COG3: variants seen among roughly 807,000 people sequenced by gnomAD.
COG3 encodes conserved oligomeric Golgi complex subunit 3.
COG3 carries 32 observed loss-of-function variants against 114.1 expected under a neutral mutation model. That is an observed-to-expected ratio of 0.28 (90% confidence interval 0.21 to 0.38). The LOEUF (loss-of-function observed/expected upper bound fraction) is 0.38, where lower values mean the gene tolerates loss of function less well. Among genes scored for constraint, COG3 ranks in the 10% least tolerant of loss-of-function variants. COG3 has a pLI of 1.00. For synonymous variants in COG3, 352 were observed against 365.7 expected, an observed-to-expected ratio of 0.96 and a Z score of 0.43; for missense variants, 813 against 973.2, an observed-to-expected ratio of 0.84 and a Z score of 2.19.
At chr13:45,508,285 A>G (rs1472545297) in intron 14 of COG3, among the ~76,000 whole-genome samples, 1 of 149,750 alleles carries the variant, frequency 6.7e-6, no homozygotes, top group East Asian at 1.9e-4. Context: ...ATTATTGAAA[A>G]CATTCCAAAT....
intron 19 of COG3, among the ~76,000 whole-genome samples, chr13:45,519,828 TTCTC>T (rs1272674878): frequency 1.3e-5 from 2 of 152,226 alleles, no homozygotes; most frequent in Non-Finnish European, 1.5e-5. Flanking sequence ...GGATAGTATA[TTCTC>T]TCTGTCTCTC....
chr13:45,523,491 G>A (rs1455382144), intron 19 of COG3, among the ~76,000 whole-genome samples: 1 of 151,908 alleles, frequency 6.6e-6, no homozygotes, highest in Non-Finnish European at 1.5e-5. Flanking sequence ...AAAAAGATGG[G>A]GCTTCACTTG....
chr13:45,503,187 T>G, intron 13 of COG3, 57 bp from the exon 14 acceptor site: 1 of 815,102 alleles, frequency 1.2e-6, no homozygotes, highest in Non-Finnish European at 2.2e-6. Context: ...AAAGAACATG[T>G]TCATGTTGCC....
At chr13:45,508,300 A>G (rs1436136321) in intron 14 of COG3, among the ~76,000 whole-genome samples, 1 of 149,584 alleles carries the variant, frequency 6.7e-6, no homozygotes, top group Non-Finnish European at 1.5e-5. Flanking sequence ...CCAAATATAC[A>G]GAAAAGTTGA....
In COG3 at chr13:45,474,452, G is replaced by A. The variant is rs374967847; in HGVS notation, c.175-1749G>A. Among the ~76,000 whole-genome samples the A allele has an allele frequency of 9.2e-5, 14 of 152,132 alleles. No individual in the cohort carries two copies. The East Asian group carries it at 1.9e-3, about 21-fold the overall frequency. ...GCTGGGATTACAGGCGTGAGCCACCGTGCCTGGCCTTCTTTTTTACTCCTT... is the reference window on the plus strand; with the variant it reads ...GCTGGGATTACAGGCGTGAGCCACCATGCCTGGCCTTCTTTTTTACTCCTT... On this transcript the variant is annotated intron_variant, in intron 1 of 22. Coordinates refer to ENST00000349995, the MANE Select transcript of COG3 (RefSeq NM_031431.4).
At chr13:45,526,442 G>C (rs990471939) in intron 20 of COG3, among the ~76,000 whole-genome samples, 3 of 152,076 alleles carry the variant, frequency 2.0e-5, no homozygotes, top group African/African-American at 7.2e-5. Context: ...TGAGAAATTA[G>C]AAGAATAGCT....
At position 45,527,927 on chromosome 13, in the gene COG3, C is replaced by T. The variant is rs540101637; in HGVS notation, c.2231-1864C>T. On this transcript the variant is annotated intron_variant, in intron 20 of 22. Coordinates refer to ENST00000349995, the MANE Select transcript of COG3 (RefSeq NM_031431.4). ...CATTTGAACCAGAGCAACTCCATCTCGAGAGAGAGCTAGGAAAAATGGGGA... is the reference window on the plus strand; with the variant it reads ...CATTTGAACCAGAGCAACTCCATCTTGAGAGAGAGCTAGGAAAAATGGGGA... Among the ~76,000 whole-genome samples the T allele has an allele frequency of 3.3e-5, 5 of 152,236 alleles. No homozygotes were observed. The South Asian group carries it at 6.2e-4, about 19-fold the overall frequency.
chr13:45,465,452 C>T (rs1885078813), intron 1 of COG3: 1 of 571,642 alleles, frequency 1.7e-6, no homozygotes, highest in East Asian at 3.6e-5. Flanking sequence ...TGGTGCTCGC[C>T]GGAACCCAGT....
Position 45,465,198 on chromosome 13 carries a change from G to T in COG3, c.162G>T (p.Pro54=). Residue 54 remains proline (P), a synonymous_variant, in exon 1 of 23, where the codon CCG becomes CCT. Coordinates refer to ENST00000349995, the MANE Select transcript of COG3 (RefSeq NM_031431.4). ...TGAAGGCGGCGGCAGAGAACTTGCC[G>T]GTGCCAGCTGAGGTGAGGTGATGGG... The part of the protein sequence containing the change: ...LELKAAAENL[P]VPAELPIEDL... 2 of 1,613,516 alleles carry T rather than the reference G, an allele frequency of 1.2e-6. No individual in the cohort carries two copies. The highest frequency in any genetic ancestry group is 1.7e-6 in the Non-Finnish European group (2 of 1,179,834).
At chr13:45,497,438 C>T (rs1566255528) in intron 13 of COG3, among the ~76,000 whole-genome samples, 1 of 152,162 alleles carries the variant, frequency 6.6e-6, no homozygotes, top group Non-Finnish European at 1.5e-5. Context: ...TTTGTACTCC[C>T]TTTCACCCCC....
chr13:45,514,225 A>G (rs1161561081), intron 16 of COG3, among the ~76,000 whole-genome samples: 6 of 127,934 alleles, frequency 4.7e-5, no homozygotes, highest in Non-Finnish European at 4.6e-5. Context: ...CAGTGGCGCT[A>G]TCTCAGCTCA....
chr13:45,491,884 A>G (rs1296313599), intron 10 of COG3, among the ~76,000 whole-genome samples: 1 of 152,064 alleles, frequency 6.6e-6, no homozygotes, highest in Non-Finnish European at 1.5e-5. Context: ...ACTATAAAAA[A>G]TGCATAAGCG....
At chr13:45,529,449 G>C (rs1022372778) in intron 20 of COG3, among the ~76,000 whole-genome samples, 1 of 151,000 alleles carries the variant, frequency 6.6e-6, no homozygotes, top group Non-Finnish European at 1.5e-5. Flanking sequence ...TCTTACTAGT[G>C]TCTCTCTGAA....
intron 13 of COG3, among the ~76,000 whole-genome samples, chr13:45,499,034 A>T: frequency 6.6e-6 from 1 of 151,816 alleles, no homozygotes; most frequent in African/African-American, 2.4e-5. Flanking sequence ...GTATTTAGAA[A>T]CCAAGATCTG....
At position 45,465,184 on chromosome 13, in the gene COG3, G is replaced by A; in HGVS notation, c.148G>A (p.Ala50Thr). 1 of 1,613,662 alleles carries A rather than the reference G, an allele frequency of 6.2e-7. No homozygotes were observed. Among genetic ancestry groups the A allele is most frequent in the Non-Finnish European group, 8.5e-7 (1 of 1,179,878 alleles). ...TDSVLELKAAAENLPVPAELP... is the reference protein window; with the variant it reads ...TDSVLELKAATENLPVPAELP... ...CTCGGTATTGGAGCTGAAGGCGGCG[G>A]CAGAGAACTTGCCGGTGCCAGCTGA... The change falls in exon 1 of 23, where the codon GCA becomes ACA. Residue 50 changes from alanine to threonine, a missense_variant. By Grantham distance (58) the Ala-to-Thr change is moderately conservative. Transcript: ENST00000349995.
At position 45,518,862 on chromosome 13, in the gene COG3, T is replaced by A; in HGVS notation, c.2019+12T>A. 1 of 1,611,772 alleles carries A rather than the reference T, an allele frequency of 6.2e-7. No homozygotes were observed. The highest frequency in any genetic ancestry group is 8.5e-7 in the Non-Finnish European group (1 of 1,178,076). On this transcript the variant is annotated intron_variant, in intron 18 of 22. Transcript: ENST00000349995. ...AGTTCTTGTTGGAGGTGAGAAGGAG[T>A]CTGTTTCATTGGTGGTGGGAGATAA...
chr13:45,473,503 AT>A (rs1303522675), intron 1 of COG3, among the ~76,000 whole-genome samples: 1 of 152,174 alleles, frequency 6.6e-6, no homozygotes, highest in African/African-American at 2.4e-5. Flanking sequence ...ATGTGATTGA[AT>A]TTGTGATGAT....
At chr13:45,494,437 C>G (rs971262403) in intron 12 of COG3, among the ~76,000 whole-genome samples, 2 of 151,980 alleles carry the variant, frequency 1.3e-5, no homozygotes, top group East Asian at 1.9e-4. Context: ...CAAAGTTACT[C>G]AATTGCATTT....
intron 15 of COG3, among the ~76,000 whole-genome samples, chr13:45,510,613 A>G (rs938662723): frequency 1.3e-5 from 2 of 152,254 alleles, no homozygotes; most frequent in Admixed American, 1.3e-4. Context: ...TCTAGGAAAT[A>G]AAACCTCTTA....
Sources: gnomAD v4.1 joint callset for allele counts (sites outside exome capture counted in the v4.1 genomes callset) on GRCh38, gnomAD v4.1.1 for gene constraint, MANE v1.5 for transcripts, NCBI Gene and HGNC (gene_info 2026-07-23, HGNC 2026-07-21) for gene names.